PPP3CB: variants seen among roughly 807,000 people sequenced by gnomAD.
PPP3CB encodes serine/threonine-protein phosphatase 2B catalytic subunit beta isoform.
A neutral mutation model predicts 66.4 loss-of-function variants in PPP3CB; 8 were observed. That is an observed-to-expected ratio of 0.12 (90% CI 0.07 to 0.22). The LOEUF is 0.22. Among genes scored for constraint, PPP3CB ranks in the 10% least tolerant of loss-of-function variants. The pLI, the probability that PPP3CB is intolerant of heterozygous loss-of-function variation, is 1.00. For missense variants in PPP3CB, 319 were observed against 642.5 expected (o/e 0.50, Z 5.44); for synonymous variants, 208 against 221.2 (o/e 0.94, Z 0.53).
chr10:73,446,064 T>G (rs7092228), intron 11 of PPP3CB, among the ~76,000 whole-genome samples: 6 of 151,818 alleles, frequency 4.0e-5, no homozygotes, highest in African/African-American at 1.5e-4. Flanking sequence ...AGTAACTTCT[T>G]TATAGGAAGA....
intron 3 of PPP3CB, among the ~76,000 whole-genome samples, chr10:73,477,588 A>C (rs984142772): frequency 4.6e-5 from 7 of 152,318 alleles, no homozygotes; most frequent in Admixed American, 4.6e-4. Context: ...TGGAAAATAC[A>C]TATTGTTCTA....
intron 9 of PPP3CB, among the ~76,000 whole-genome samples, chr10:73,465,672 T>G (rs1393908069): frequency 6.6e-6 from 1 of 152,180 alleles, no homozygotes. Flanking sequence ...TTAGGTTAGT[T>G]CCTGCTTCTC....
At chr10:73,467,484 C>T in intron 9 of PPP3CB, 69 bp downstream of exon 9, 1 of 1,259,082 alleles carries the variant, frequency 7.9e-7, no homozygotes, top group South Asian at 1.7e-5. Flanking sequence ...CAAGTATGTG[C>T]CTATGATAGT....
chr10:73,459,538 TTAG>T (rs2056487106), intron 9 of PPP3CB, among the ~76,000 whole-genome samples: 1 of 152,228 alleles, frequency 6.6e-6, no homozygotes, highest in African/African-American at 2.4e-5. Flanking sequence ...CGCAGCATTA[TTAG>T]TAAGTCCAAG....
chr10:73,472,027 CT>C (rs1177319037), intron 4 of PPP3CB, among the ~76,000 whole-genome samples: 2 of 152,056 alleles, frequency 1.3e-5, no homozygotes, highest in South Asian at 4.2e-4. Context: ...GCATCTTCCC[CT>C]ATAAGAATCA....
At chr10:73,455,730 G>A (rs1275378606) in intron 9 of PPP3CB, among the ~76,000 whole-genome samples, 2 of 152,128 alleles carry the variant, frequency 1.3e-5, no homozygotes, top group Non-Finnish European at 2.9e-5. Context: ...CACCTCGCCC[G>A]GCTAATTTTT....
intron 9 of PPP3CB, among the ~76,000 whole-genome samples, chr10:73,463,665 C>T (rs1032610875): frequency 2.0e-5 from 3 of 152,296 alleles, no homozygotes; most frequent in Admixed American, 6.5e-5. Context: ...TCTTTTGAGA[C>T]GGAGTCTCAC....
chr10:73,464,932 A>AT (rs1320832699), intron 9 of PPP3CB, among the ~76,000 whole-genome samples: 1 of 150,968 alleles, frequency 6.6e-6, no homozygotes, highest in African/African-American at 2.4e-5. Flanking sequence ...GGGCAACTGA[A>AT]TGAGACTGTG....
chr10:73,459,265 G>T (rs1322311138), intron 9 of PPP3CB, among the ~76,000 whole-genome samples: 2 of 152,202 alleles, frequency 1.3e-5, no homozygotes, highest in Non-Finnish European at 2.9e-5. Context: ...GAGGCGGGTG[G>T]ATCAGGAGGT....
Position 73,479,308 on chromosome 10 carries a change from T to A in PPP3CB, c.286+9A>T, listed in dbSNP as rs1227439195. 6.2e-7 allele frequency: 1 copy of A among 1,610,808 alleles called. No individual in the cohort carries two copies. Among genetic ancestry groups the A allele is most frequent in the African/African-American group, 1.3e-5 (1 of 74,960 alleles). ...ATAAAAATAATACCCAAAACATGAA[T>A]AAGCTTACCTGTGATTGGAGCTTCT... On this transcript the variant is annotated intron_variant, in intron 2 of 13. Coordinates refer to ENST00000360663, the MANE Select transcript of PPP3CB (RefSeq NM_021132.4).
chr10:73,450,976 A>C (rs1432371385), intron 10 of PPP3CB, among the ~76,000 whole-genome samples: 1 of 152,256 alleles, frequency 6.6e-6, no homozygotes, highest in East Asian at 1.9e-4. Flanking sequence ...ATGATATATA[A>C]AATCTTCTCA....
At chr10:73,446,079 TA>T (rs1373871147) in intron 11 of PPP3CB, among the ~76,000 whole-genome samples, 2 of 151,540 alleles carry the variant, frequency 1.3e-5, no homozygotes, top group Admixed American at 6.6e-5. Context: ...GGAAGAATGA[TA>T]CCCTGTTGCT....
chr10:73,474,240 C>T (rs866545068), intron 4 of PPP3CB, among the ~76,000 whole-genome samples: 1 of 151,892 alleles, frequency 6.6e-6, no homozygotes, highest in African/African-American at 2.4e-5. Context: ...GGGGTTTTGC[C>T]GTGTTGGCCA....
At chr10:73,447,995 C>G (rs2056285929) in intron 10 of PPP3CB, among the ~76,000 whole-genome samples, 2 of 151,886 alleles carry the variant, frequency 1.3e-5, no homozygotes, top group African/African-American at 4.8e-5. Context: ...GTGCAATCTC[C>G]TCATTTTATA....
chr10:73,485,634 A>T (rs1473433916), intron 1 of PPP3CB, among the ~76,000 whole-genome samples: 1 of 152,186 alleles, frequency 6.6e-6, no homozygotes, highest in African/African-American at 2.4e-5. Context: ...TCTTTCCCTC[A>T]TACAATTTCC....
chr10:73,446,788 G>A (rs2056263387), intron 10 of PPP3CB, among the ~76,000 whole-genome samples: 1 of 152,012 alleles, frequency 6.6e-6, no homozygotes. Context: ...GATAAATATA[G>A]AAATAAAAAG....
intron 3 of PPP3CB, 73 bp from the exon 4 acceptor site, chr10:73,475,103 T>C: frequency 6.5e-7 from 1 of 1,533,020 alleles, no homozygotes; most frequent in Non-Finnish European, 8.8e-7. Context: ...CTTTGCTCCT[T>C]TTCCTCTACT....
Position 73,495,974 on chromosome 10 carries a change from C to CCATGTTCCCCGG in PPP3CB, c.-86_-85insCCGGGGAACATG. On this transcript the variant is annotated 5_prime_UTR_variant, in exon 1 of 14. It adds an upstream start codon to the 5' untranslated region. Transcript: ENST00000360663. ...CTACCAGAGCCAAGCGGCGGCGCCG[C>CCATGTTCCCCGG]CGGGGAACATGGCGGACCCTCTTTC... The CCATGTTCCCCGG allele has an allele frequency of 1.1e-6, 1 of 889,804 alleles. No individual in the cohort carries two copies. Among genetic ancestry groups the CCATGTTCCCCGG allele is most frequent in the Non-Finnish European group, 1.5e-6 (1 of 681,160 alleles). The allele number at this position is 889,804 out of a possible 1,614,324, so 55.1% of individuals were successfully genotyped here.
intron 9 of PPP3CB, among the ~76,000 whole-genome samples, chr10:73,463,101 C>T (rs1320925835): frequency 6.6e-6 from 1 of 151,902 alleles, no homozygotes; most frequent in Non-Finnish European, 1.5e-5. Context: ...GCACTATCTT[C>T]ACCAGACTCA....
Sources: gnomAD v4.1 joint callset for allele counts (sites outside exome capture counted in the v4.1 genomes callset) on GRCh38, gnomAD v4.1.1 for gene constraint, MANE v1.5 for transcripts, NCBI Gene and HGNC (gene_info 2026-07-23, HGNC 2026-07-21) for gene names.